CCDC30: variants seen among roughly 807,000 people sequenced by gnomAD.
The protein encoded by CCDC30 is coiled-coil domain-containing protein 30.
In CCDC30, 70 loss-of-function variants were observed where a neutral mutation model predicts 100.2. The ratio of observed to expected loss-of-function variants is 0.70; its 90% CI spans 0.58 to 0.85. The LOEUF is 0.85. CCDC30 is among the 40% of genes least tolerant of loss of function. The pLI is 0.00. For missense variants in CCDC30, 652 were observed against 771.2 expected, an observed-to-expected ratio of 0.85 and a Z score of 1.83; for synonymous variants, 233 against 269.5, an observed-to-expected ratio of 0.86 and a Z score of 1.33.
intron 11 of CCDC30, among the ~76,000 whole-genome samples, chr1:42,625,194 C>T (rs1462317084): frequency 3.9e-5 from 6 of 152,206 alleles, no homozygotes; most frequent in East Asian, 1.9e-4. Flanking sequence ...TAGCCACTAA[C>T]GATACTTTGA....
chr1:42,551,376 A>G (rs1645248708), intron 6 of CCDC30, among the ~76,000 whole-genome samples: 1 of 152,208 alleles, frequency 6.6e-6, no homozygotes, highest in African/African-American at 2.4e-5. Flanking sequence ...GAAGTATTGC[A>G]TGATGTAAAA....
intron 9 of CCDC30, among the ~76,000 whole-genome samples, chr1:42,584,892 G>A (rs756857621): frequency 1.1e-4 from 16 of 152,110 alleles, no homozygotes; most frequent in Non-Finnish European, 2.1e-4. Flanking sequence ...TTAGGGTAAT[G>A]TTTGTCTCAA....
At chr1:42,476,845 C>G (rs914632335) in intron 1 of CCDC30, among the ~76,000 whole-genome samples, 1 of 148,496 alleles carries the variant, frequency 6.7e-6, no homozygotes, top group African/African-American at 2.5e-5. Flanking sequence ...TCCTTTTTTC[C>G]TTTTAGAAAT....
intron 6 of CCDC30, among the ~76,000 whole-genome samples, chr1:42,538,968 A>G (rs574853645): frequency 1.1e-4 from 16 of 152,348 alleles, no homozygotes; most frequent in Middle Eastern, 6.8e-3. Context: ...AAGAATGCTC[A>G]GTTTATTTAA....
chr1:42,520,840 G>A (rs905543834), intron 6 of CCDC30, among the ~76,000 whole-genome samples: 2 of 150,460 alleles, frequency 1.3e-5, no homozygotes, highest in Non-Finnish European at 3.0e-5. Flanking sequence ...GTAGAGACGG[G>A]GTTTCACTGT....
chr1:42,557,877 G>GA lies in CCDC30; in HGVS notation c.457-8418dup, dbSNP rs535239906. Among the ~76,000 whole-genome samples the GA allele has an allele frequency of 2.0e-4, 28 of 140,444 alleles. No homozygotes were observed. In the East Asian group the frequency reaches 6.0e-3, roughly 30 times the overall value. 92.1% of individuals were successfully genotyped at this position (140,444 alleles called of 152,430 possible). A position where few individuals can be genotyped will look rare whatever the true frequency, so the allele number is the denominator to read the frequency against. ...TCTGGTCTTATGTCTTTAATTTACA[G>GA]ATGAATAAATGAAGACTAAGAAAGG... On this transcript the variant is annotated intron_variant, in intron 6 of 16. Coordinates refer to ENST00000668663, the Ensembl canonical transcript of CCDC30.
chr1:42,496,122 AGTGTGTGT>A (rs56267063), intron 4 of CCDC30, among the ~76,000 whole-genome samples: 6,295 of 147,272 alleles, frequency 0.043, 411 homozygotes, highest in African/African-American at 0.14. Context: ...TTATTTGTGG[AGTGTGTGT>A]GTGTGTGTGT....
intron 6 of CCDC30, among the ~76,000 whole-genome samples, chr1:42,511,891 G>GAC (rs969374949): frequency 3.8e-4 from 58 of 152,246 alleles, no homozygotes; most frequent in African/African-American, 1.3e-3. Context: ...AGGAATTAAA[G>GAC]ACACACACAG....
the CCDC30 span, chr1:42,456,301 C>T: frequency 1.5e-5 from 9 of 595,426 alleles, no homozygotes; most frequent in Non-Finnish European, 2.4e-5. Flanking sequence ...CAGTTCTTCA[C>T]CCAGGCTAGG....
Position 42,522,224 on chromosome 1 carries a change from G to T in CCDC30, c.456+23308G>T, listed in dbSNP as rs1349203017. ...TTTTTTTTAATATTTTCAATCCAGGGTTGGTTGAAATGGCAGATATGGAAC... is the reference window on the plus strand; with the variant it reads ...TTTTTTTTAATATTTTCAATCCAGGTTTGGTTGAAATGGCAGATATGGAAC... On this transcript the variant is annotated intron_variant, in intron 6 of 16. Transcript: ENST00000668663. 4.6e-5 allele frequency among the ~76,000 whole-genome samples: 7 copies of T among 151,840 alleles called. No homozygotes were observed. The South Asian group carries it at 6.2e-4, about 14-fold the overall frequency.
chr1:42,500,412 G>C (rs1644292801), intron 6 of CCDC30: 1 of 941,134 alleles, frequency 1.1e-6, no homozygotes. Context: ...CCACCACCGA[G>C]TTCTCTCTTT....
chr1:42,616,230 T>C (rs535672143), intron 11 of CCDC30, among the ~76,000 whole-genome samples: 2 of 152,350 alleles, frequency 1.3e-5, no homozygotes, highest in East Asian at 1.9e-4. Context: ...TTGAATTTCT[T>C]TGATGGCTAG....
rs150526359 is a variant in CCDC30, at chr1:42,577,589, G to A, written c.846+360G>A. Among the ~76,000 whole-genome samples, 9 of 152,008 alleles carry A rather than the reference G, an allele frequency of 5.9e-5. No individual in the cohort carries two copies. The East Asian group carries it at 1.7e-3, about 29-fold the overall frequency. ...TTGTTTTAATTTTGTTTTTTTCATTGACAAACAATTGTACGTGTTCATGGG... is the reference window on the plus strand; with the variant it reads ...TTGTTTTAATTTTGTTTTTTTCATTAACAAACAATTGTACGTGTTCATGGG... On this transcript the variant is annotated intron_variant, in intron 8 of 16. Coordinates refer to ENST00000668663, the Ensembl canonical transcript of CCDC30.
At chr1:42,482,531 T>A (rs199616099) in intron 2 of CCDC30, 132 bp from the exon 3 acceptor site, 4 of 461,606 alleles carry the variant, frequency 8.7e-6, no homozygotes, top group South Asian at 2.4e-4. Flanking sequence ...ACACACACAC[T>A]CACACACACA....
intron 10 of CCDC30, among the ~76,000 whole-genome samples, chr1:42,602,895 C>A (rs570838157): frequency 6.6e-6 from 1 of 152,292 alleles, no homozygotes; most frequent in East Asian, 1.9e-4. Flanking sequence ...ATTAGCAAAC[C>A]ATATCCAACA....
At chr1:42,560,930 C>T (rs549443022) in intron 6 of CCDC30, among the ~76,000 whole-genome samples, 21 of 152,154 alleles carry the variant, frequency 1.4e-4, no homozygotes, top group Non-Finnish European at 2.5e-4. Context: ...CCTGAATAGA[C>T]CAGTAACAAG....
At chr1:42,602,384 G>A (rs776117439) in intron 10 of CCDC30, among the ~76,000 whole-genome samples, 26 of 151,836 alleles carry the variant, frequency 1.7e-4, no homozygotes, top group African/African-American at 4.6e-4. Context: ...AAATTGATAG[G>A]CCTCTAGCCA....
chr1:42,630,829 ATC>A (rs1182818218), intron 11 of CCDC30, among the ~76,000 whole-genome samples: 1 of 151,944 alleles, frequency 6.6e-6, no homozygotes, highest in African/African-American at 2.4e-5. Flanking sequence ...AATTATTTCA[ATC>A]TCTGTTAAAT....
chr1:42,461,548 C>T (rs1384956916), upstream of CCDC30, among the ~76,000 whole-genome samples: 3 of 146,378 alleles, frequency 2.0e-5, no homozygotes, highest in Non-Finnish European at 4.5e-5. Flanking sequence ...GTTACCCAGG[C>T]TCTTTTTTTT....
Sources: allele counts gnomAD v4.1 joint callset (sites outside exome capture counted in the v4.1 genomes callset), GRCh38; gene constraint gnomAD v4.1.1; transcripts MANE v1.5; gene names NCBI Gene and HGNC (gene_info 2026-07-23, HGNC 2026-07-21).